Variants in MNAT1 observed in about 807,000 individuals in gnomAD.
MNAT1 encodes MNAT1 component of CDK activating kinase.
MNAT1 carries 43 observed loss-of-function variants against 42.0 expected under a neutral mutation model. That is an observed-to-expected ratio of 1.02 (90% CI 0.80 to 1.32). The LOEUF (loss-of-function observed/expected upper bound fraction) is 1.32, where lower values mean the gene tolerates loss of function less well. MNAT1 is among the 40% of genes most tolerant of loss of function. MNAT1 has a pLI of 0.00. For missense variants in MNAT1, 306 were observed against 350.4 expected (o/e 0.87, Z 1.01); for synonymous variants, 118 against 120.0 (o/e 0.98, Z 0.11).
In MNAT1 at chr14:60,915,069, T is replaced by G. The variant is rs143868614; in HGVS notation, c.809+35234T>G. On this transcript the variant is annotated intron_variant, in intron 7 of 7. Coordinates refer to ENST00000261245, the MANE Select transcript of MNAT1 (RefSeq NM_002431.4). ...TTTTATTTGACCGAGAGCAAGGTGCTATTTCAGGTAATTTTTAATGCAGAT... is the reference window on the plus strand; with the variant it reads ...TTTTATTTGACCGAGAGCAAGGTGCGATTTCAGGTAATTTTTAATGCAGAT... Among the ~76,000 whole-genome samples the G allele has an allele frequency of 5.0e-3, 766 of 152,380 alleles. 10 individuals are homozygous for G. Among genetic ancestry groups the G allele is most frequent in the African/African-American group, 0.017 (688 of 41,592 alleles).
At chr14:60,950,258 A>C (rs573236561) in intron 7 of MNAT1, among the ~76,000 whole-genome samples, 9 of 152,262 alleles carry the variant, frequency 5.9e-5, no homozygotes, top group Non-Finnish European at 1.2e-4. Flanking sequence ...GTTGTATTCT[A>C]TTGTAGTATA....
intron 7 of MNAT1, among the ~76,000 whole-genome samples, chr14:60,929,258 T>A (rs190862688): frequency 2.0e-5 from 3 of 150,154 alleles, no homozygotes; most frequent in Non-Finnish European, 3.0e-5. Context: ...TTTTTAATGA[T>A]GTTTCTTGAA....
intron 6 of MNAT1, among the ~76,000 whole-genome samples, chr14:60,838,681 G>T (rs2033463855): frequency 6.6e-6 from 1 of 152,026 alleles, no homozygotes; most frequent in South Asian, 2.1e-4. Context: ...AGATGGTGGG[G>T]CAGGAGCCCT....
At chr14:60,741,506 CGG>C in intron 1 of MNAT1, among the ~76,000 whole-genome samples, 1 of 151,930 alleles carries the variant, frequency 6.6e-6, no homozygotes, top group Non-Finnish European at 1.5e-5. Context: ...ATTACAGGCA[CGG>C]GCCACCACGT....
intron 7 of MNAT1, among the ~76,000 whole-genome samples, chr14:60,952,481 G>A (rs546944297): frequency 5.9e-5 from 9 of 152,154 alleles, no homozygotes; most frequent in South Asian, 2.1e-4. Context: ...CCTGAAATAC[G>A]GTAACAATAG....
intron 7 of MNAT1, among the ~76,000 whole-genome samples, chr14:60,899,014 A>G (rs950731691): frequency 6.6e-6 from 1 of 152,158 alleles, no homozygotes; most frequent in African/African-American, 2.4e-5. Context: ...TAAAGAAGGA[A>G]TTCTTTCCCC....
chr14:60,923,837 A>G (rs2035711353), intron 7 of MNAT1, among the ~76,000 whole-genome samples: 1 of 152,192 alleles, frequency 6.6e-6, no homozygotes, highest in Non-Finnish European at 1.5e-5. Flanking sequence ...AAAATTAGCC[A>G]GGTGTGGTGG....
chr14:60,874,776 T>G (rs1276720965), intron 6 of MNAT1, among the ~76,000 whole-genome samples: 2 of 152,170 alleles, frequency 1.3e-5, no homozygotes, highest in Admixed American at 6.6e-5. Flanking sequence ...GGTGGAAATA[T>G]CACCAATAAG....
At chr14:60,737,433 G>A (rs1896336164) in intron 1 of MNAT1, among the ~76,000 whole-genome samples, 1 of 151,542 alleles carries the variant, frequency 6.6e-6, no homozygotes, top group African/African-American at 2.4e-5. Flanking sequence ...TTTTCATTAT[G>A]TATATTGGAT....
chr14:60,901,543 C>A (rs2139506533), intron 7 of MNAT1, among the ~76,000 whole-genome samples: 1 of 152,232 alleles, frequency 6.6e-6, no homozygotes, highest in African/African-American at 2.4e-5. Flanking sequence ...AAATTGAAAA[C>A]CTTCTGGAAA....
chr14:60,951,812 T>C (rs1173811341), intron 7 of MNAT1, among the ~76,000 whole-genome samples: 2 of 152,168 alleles, frequency 1.3e-5, no homozygotes, highest in Non-Finnish European at 2.9e-5. Flanking sequence ...GGAGTTGTTT[T>C]CCTGTGGGTC....
intron 6 of MNAT1, 46 bp from the exon 7 acceptor site, chr14:60,879,668 T>A (rs1330321266): frequency 6.5e-7 from 1 of 1,534,764 alleles, no homozygotes; most frequent in Non-Finnish European, 8.9e-7. Flanking sequence ...AGTAGCAATA[T>A]GAAAATAATA....
chr14:60,924,644 CAAAAT>C (rs2035729708), intron 7 of MNAT1, among the ~76,000 whole-genome samples: 1 of 151,810 alleles, frequency 6.6e-6, no homozygotes, highest in Non-Finnish European at 1.5e-5. Context: ...CCCTGACTCT[CAAAAT>C]AAAATACTAA....
chr14:60,864,907 A>G (rs1594813842), intron 6 of MNAT1, among the ~76,000 whole-genome samples: 2 of 152,022 alleles, frequency 1.3e-5, no homozygotes, highest in African/African-American at 4.8e-5. Flanking sequence ...AGTCTGGCTT[A>G]GGTCTTCACT....
chr14:60,952,886 G>A (rs879588287), intron 7 of MNAT1, among the ~76,000 whole-genome samples: 2 of 152,058 alleles, frequency 1.3e-5, no homozygotes, highest in South Asian at 2.1e-4. Flanking sequence ...TTAGTAATTA[G>A]GAAATAGAAA....
chr14:60,925,502 C>G (rs1443707983), intron 7 of MNAT1, among the ~76,000 whole-genome samples: 1 of 152,120 alleles, frequency 6.6e-6, no homozygotes, highest in Non-Finnish European at 1.5e-5. Flanking sequence ...TTCCTTTTGG[C>G]TTAGTTTTGC....
intron 1 of MNAT1, among the ~76,000 whole-genome samples, chr14:60,746,920 A>ATG: frequency 4.3e-5 from 1 of 23,228 alleles, no homozygotes; most frequent in African/African-American, 1.3e-4. Context: ...ATATATATAT[A>ATG]TATACACACA....
intron 7 of MNAT1, among the ~76,000 whole-genome samples, chr14:60,891,526 C>G (rs1294983936): frequency 6.6e-6 from 1 of 152,016 alleles, no homozygotes; most frequent in African/African-American, 2.4e-5. Context: ...ATTCAGCTAA[C>G]TGCAACCTCC....
intron 4 of MNAT1, among the ~76,000 whole-genome samples, chr14:60,811,434 CTGGGA>C (rs1370436449): frequency 2.0e-5 from 3 of 151,160 alleles, no homozygotes; most frequent in Non-Finnish European, 1.5e-5. Flanking sequence ...TCCCGAGTAG[CTGGGA>C]TTACAGGCAT....
Sources: gnomAD v4.1 joint callset for allele counts (sites outside exome capture counted in the v4.1 genomes callset) on GRCh38, gnomAD v4.1.1 for gene constraint, MANE v1.5 for transcripts, NCBI Gene and HGNC (gene_info 2026-07-23, HGNC 2026-07-21) for gene names.